Variants in RBFOX1 observed in about 807,000 individuals in gnomAD.
RBFOX1 encodes the protein RNA binding fox-1 homolog 1, also known as RNA binding protein fox-1 homolog 1.
A neutral mutation model predicts 57.7 loss-of-function variants in RBFOX1; 8 were observed. The observed-to-expected ratio is 0.14, with a 90% confidence interval of 0.08 to 0.25. The LOEUF (loss-of-function observed/expected upper bound fraction) is 0.25. Ranked by LOEUF, RBFOX1 falls within the 10% of genes least tolerant of loss-of-function variation. The pLI, the probability that RBFOX1 is intolerant of heterozygous loss-of-function variation, is 1.00. For missense variants in RBFOX1, 611 were observed against 548.5 expected (o/e 1.11, Z -1.14); for synonymous variants, 326 against 222.4 (o/e 1.47, Z -4.15).
intron 3 of RBFOX1, among the ~76,000 whole-genome samples, chr16:6,968,874 C>G (rs921642880): frequency 4.0e-5 from 6 of 150,996 alleles, no homozygotes; most frequent in Non-Finnish European, 7.4e-5. Context: ...GAAGGCTACT[C>G]TTGACTCTTG....
intron 2 of RBFOX1, among the ~76,000 whole-genome samples, chr16:6,614,952 A>G (rs147531766): frequency 9.2e-5 from 14 of 152,198 alleles, no homozygotes; most frequent in African/African-American, 3.4e-4. Flanking sequence ...AGACACTTTA[A>G]AAATATAGAT....
At chr16:6,849,398 G>C (rs7499811) in intron 3 of RBFOX1, among the ~76,000 whole-genome samples, 48,649 of 152,098 alleles carry the variant, frequency 0.32, 8,185 homozygotes, top group Admixed American at 0.42. Context: ...GCTGGGTGTG[G>C]TGGCTCACAC....
At chr16:6,139,197 C>G (rs1391433036) in intron 1 of RBFOX1, among the ~76,000 whole-genome samples, 1 of 152,090 alleles carries the variant, frequency 6.6e-6, no homozygotes, top group Admixed American at 6.5e-5. Context: ...GGACTGAATC[C>G]AAGGACATCC....
intron 4 of RBFOX1, among the ~76,000 whole-genome samples, chr16:7,395,758 C>G (rs958091352): frequency 1.3e-5 from 2 of 152,166 alleles, no homozygotes; most frequent in African/African-American, 4.8e-5. Context: ...CAATAGCAAT[C>G]TGCAATAAGT....
intron 2 of RBFOX1, among the ~76,000 whole-genome samples, chr16:6,600,273 C>T (rs754518383): frequency 6.9e-6 from 1 of 145,386 alleles, no homozygotes; most frequent in Non-Finnish European, 1.5e-5. Flanking sequence ...TGTTCTCAGT[C>T]CTCCCCTACC....
At chr16:7,219,841 T>A (rs1254400951) in intron 4 of RBFOX1, among the ~76,000 whole-genome samples, 1 of 152,220 alleles carries the variant, frequency 6.6e-6, no homozygotes, top group Non-Finnish European at 1.5e-5. Context: ...GATTTCCCAT[T>A]GTTTCTGAGA....
intron 2 of RBFOX1, among the ~76,000 whole-genome samples, chr16:6,552,440 G>C (rs2097009363): frequency 6.6e-6 from 1 of 152,086 alleles, no homozygotes; most frequent in South Asian, 2.1e-4. Context: ...GAATAATAAT[G>C]CCCAATTCAT....
At chr16:6,630,882 A>G (rs1034876048) in intron 2 of RBFOX1, among the ~76,000 whole-genome samples, 13 of 152,184 alleles carry the variant, frequency 8.5e-5, no homozygotes, top group Non-Finnish European at 1.6e-4. Flanking sequence ...CATTTGGCCA[A>G]ACAGCTATGA....
At chr16:6,165,904 G>C (rs1272919219) in intron 1 of RBFOX1, among the ~76,000 whole-genome samples, 1 of 152,172 alleles carries the variant, frequency 6.6e-6, no homozygotes, top group East Asian at 1.9e-4. Context: ...AAAAGAGGGA[G>C]ACGTCAAACT....
intron 2 of RBFOX1, among the ~76,000 whole-genome samples, chr16:5,557,410 T>A (rs59483243): frequency 0.34 from 50,899 of 151,684 alleles, 8,933 homozygotes; most frequent in Admixed American, 0.37. Flanking sequence ...TGGGTCCCCA[T>A]ATGAAGCTTA....
chr16:5,831,636 C>T (rs2056279792), intron 3 of RBFOX1, among the ~76,000 whole-genome samples: 2 of 151,880 alleles, frequency 1.3e-5, no homozygotes, highest in African/African-American at 4.8e-5. Flanking sequence ...GTTACAGGTG[C>T]CCACCACCAC....
downstream of RBFOX1, among the ~76,000 whole-genome samples, chr16:5,603,756 C>T (rs976077767): frequency 6.6e-6 from 1 of 152,154 alleles, no homozygotes; most frequent in Non-Finnish European, 1.5e-5. Flanking sequence ...CATCTGTGAT[C>T]ATGTGGCCAC....
In RBFOX1 at chr16:7,595,653, A is replaced by G; in HGVS notation, c.561+12A>G. The G allele has an allele frequency of 6.4e-7, 1 of 1,566,390 alleles. No individual in the cohort carries two copies. Among genetic ancestry groups the G allele is most frequent in the Non-Finnish European group, 8.7e-7 (1 of 1,153,220 alleles). ...GCCGTAAAATCGAGGTGCATGTTCA[A>G]AATATTTTCCTTTTCATCTTTTTTA... is the stretch of plus-strand genomic sequence containing the variant. On this transcript the variant is annotated intron_variant, in intron 8 of 15. Coordinates refer to ENST00000550418, the MANE Select transcript of RBFOX1 (RefSeq NM_018723.4).
intron 3 of RBFOX1, among the ~76,000 whole-genome samples, chr16:5,811,386 G>T (rs992464231): frequency 6.6e-6 from 1 of 151,520 alleles, no homozygotes; most frequent in Non-Finnish European, 1.5e-5. Flanking sequence ...CAGGTGATCC[G>T]CCTGCCTCGG....
At chr16:7,345,291 T>C (rs4257224) in intron 4 of RBFOX1, among the ~76,000 whole-genome samples, 1 of 152,006 alleles carries the variant, frequency 6.6e-6, no homozygotes, top group Non-Finnish European at 1.5e-5. Context: ...TGCATTTGTT[T>C]TGGCGAGCAG....
chr16:7,219,524 G>A (rs909812623), intron 4 of RBFOX1, among the ~76,000 whole-genome samples: 3 of 152,186 alleles, frequency 2.0e-5, no homozygotes, highest in Non-Finnish European at 2.9e-5. Flanking sequence ...AGGGTGTAAT[G>A]TGCAAGAGGA....
At chr16:7,216,637 A>T (rs954930731) in intron 4 of RBFOX1, among the ~76,000 whole-genome samples, 1 of 151,522 alleles carries the variant, frequency 6.6e-6, no homozygotes, top group Non-Finnish European at 1.5e-5. Flanking sequence ...CAGCCTGGGC[A>T]ACAGAGTGAG....
intron 4 of RBFOX1, among the ~76,000 whole-genome samples, chr16:7,214,704 C>G (rs973303462): frequency 2.0e-5 from 3 of 152,078 alleles, no homozygotes; most frequent in Admixed American, 2.0e-4. Context: ...ACACAGGCTA[C>G]CGTATACTGC....
Position 5,946,053 on chromosome 16 carries a change from A to G in RBFOX1, c.351+78718A>G, listed in dbSNP as rs1303277398. Among the ~76,000 whole-genome samples, 2 of 152,176 alleles carry G rather than the reference A, an allele frequency of 1.3e-5. No homozygotes were observed. Among genetic ancestry groups the G allele is most frequent in the African/African-American group, 4.8e-5 (2 of 41,444 alleles). ...AAGAAGTCTGCTTTGTTTGCTAGTA[A>G]AGTGAGGGGGAGACAGGGTTTTAAT... On this transcript the variant is annotated intron_variant, in intron 4 of 19. Transcript: ENST00000641259. This position sits in a 1 kb window ranked among gnomAD's most constrained non-coding sequence, Gnocchi z 4.6.
Sources: allele counts gnomAD v4.1 joint callset (sites outside exome capture counted in the v4.1 genomes callset), GRCh38; gene constraint gnomAD v4.1.1; non-coding constraint Gnocchi (gnomAD v3.1); transcripts MANE v1.5; gene names NCBI Gene and HGNC (gene_info 2026-07-23, HGNC 2026-07-21).